The following DPP10 variants were observed in gnomAD, a reference collection of about 807,000 sequenced individuals.
DPP10 encodes dipeptidyl peptidase like 10.
In DPP10, 33 loss-of-function variants were observed where a neutral mutation model predicts 120.9. The observed-to-expected ratio is 0.27, with a 90% CI of 0.21 to 0.37. The LOEUF is 0.37. Among genes scored for constraint, DPP10 ranks in the 10% least tolerant of loss-of-function variants. The pLI, the probability that DPP10 is intolerant of heterozygous loss-of-function variation, is 1.00. For missense variants in DPP10, 816 were observed against 942.8 expected (o/e 0.87, Z 1.76); for synonymous variants, 337 against 326.1 (o/e 1.03, Z -0.36).
chr2:115,532,321 C>T (rs968433151), intron 5 of DPP10, among the ~76,000 whole-genome samples: 2 of 151,952 alleles, frequency 1.3e-5, no homozygotes, highest in African/African-American at 2.4e-5. Context: ...CCCCAGTTCA[C>T]AGTTGCAGAG....
intron 3 of DPP10, among the ~76,000 whole-genome samples, chr2:115,442,713 T>G (rs1315460917): frequency 6.6e-6 from 1 of 152,188 alleles, no homozygotes; most frequent in Non-Finnish European, 1.5e-5. Flanking sequence ...TTTGTCCTTT[T>G]CAGATCTATG....
chr2:115,756,845 C>T (rs767299229), intron 11 of DPP10, among the ~76,000 whole-genome samples: 1 of 151,960 alleles, frequency 6.6e-6, no homozygotes, highest in South Asian at 2.1e-4. Context: ...GGACTTCTTG[C>T]TGCATCATCC....
At chr2:115,273,466 A>C (rs1052564038) in intron 1 of DPP10, among the ~76,000 whole-genome samples, 1 of 152,100 alleles carries the variant, frequency 6.6e-6, no homozygotes, top group Non-Finnish European at 1.5e-5. Context: ...CCTCCCGAGT[A>C]GCTGGGACTA....
At chr2:115,081,907 C>A (rs1708304346) in intron 1 of DPP10, among the ~76,000 whole-genome samples, 1 of 152,144 alleles carries the variant, frequency 6.6e-6, no homozygotes, top group Non-Finnish European at 1.5e-5. Context: ...GTGAATTCTG[C>A]ATTAGATTTT....
At chr2:115,531,917 T>A (rs1019329111) in intron 5 of DPP10, among the ~76,000 whole-genome samples, 1 of 152,112 alleles carries the variant, frequency 6.6e-6, no homozygotes, top group African/African-American at 2.4e-5. Flanking sequence ...TTTTACTCAA[T>A]AATTAGTTCA....
At chr2:114,784,299 C>T (rs1358505906) in intron 1 of DPP10, among the ~76,000 whole-genome samples, 1 of 152,060 alleles carries the variant, frequency 6.6e-6, no homozygotes, top group Admixed American at 6.6e-5. Flanking sequence ...CTCAAGGTCA[C>T]CCTATTTGTA....
chr2:115,179,251 C>T (rs2053913297), intron 1 of DPP10, among the ~76,000 whole-genome samples: 1 of 152,058 alleles, frequency 6.6e-6, no homozygotes, highest in African/African-American at 2.4e-5. Flanking sequence ...TAGAATTGAA[C>T]AAATTCCCTC....
intron 1 of DPP10, among the ~76,000 whole-genome samples, chr2:114,819,656 C>A (rs770373009): frequency 2.0e-5 from 3 of 152,190 alleles, no homozygotes; most frequent in Non-Finnish European, 2.9e-5. Context: ...TATTCTTAAG[C>A]AGGGATATCA....
At chr2:114,490,888 T>G (rs1681938022) in intron 1 of DPP10, among the ~76,000 whole-genome samples, 3 of 152,166 alleles carry the variant, frequency 2.0e-5, no homozygotes, top group Admixed American at 6.5e-5. Context: ...CGTATTTAGT[T>G]GTAAGATTTT....
chr2:115,192,276 A>T (rs1158488197), intron 1 of DPP10, among the ~76,000 whole-genome samples: 2 of 152,254 alleles, frequency 1.3e-5, no homozygotes, highest in African/African-American at 4.8e-5. Flanking sequence ...GTCTACTATT[A>T]CTAATAAATA....
chr2:114,927,298 G>A (rs1352026299), intron 1 of DPP10, among the ~76,000 whole-genome samples: 1 of 151,332 alleles, frequency 6.6e-6, no homozygotes, highest in East Asian at 2.0e-4. Context: ...TCTGAGGCAG[G>A]TCTCAGTTAA....
At chr2:115,021,342 A>G (rs1183391970) in intron 1 of DPP10, among the ~76,000 whole-genome samples, 1 of 152,114 alleles carries the variant, frequency 6.6e-6, no homozygotes, top group Non-Finnish European at 1.5e-5. Flanking sequence ...AGATATTACA[A>G]CTGATACACA....
chr2:114,770,302 G>A (rs1049819569), intron 1 of DPP10, among the ~76,000 whole-genome samples: 5 of 152,110 alleles, frequency 3.3e-5, no homozygotes, highest in Admixed American at 6.5e-5. Flanking sequence ...TAGTAATAGC[G>A]AAAAGGGAGG....
intron 1 of DPP10, among the ~76,000 whole-genome samples, chr2:114,720,051 GT>G (rs759862275): frequency 5.3e-4 from 80 of 152,184 alleles, no homozygotes; most frequent in South Asian, 2.1e-4. Context: ...GGGGTTTTTT[GT>G]TGTTTGTTTT....
intron 3 of DPP10, among the ~76,000 whole-genome samples, chr2:115,422,117 G>A (rs2104691408): frequency 6.6e-6 from 1 of 152,170 alleles, no homozygotes; most frequent in African/African-American, 2.4e-5. Context: ...AAATGGATTC[G>A]AGAGGGAAAA....
intron 15 of DPP10, among the ~76,000 whole-genome samples, chr2:115,779,594 G>C (rs1375681722): frequency 6.6e-6 from 1 of 152,048 alleles, no homozygotes; most frequent in African/African-American, 2.4e-5. Flanking sequence ...CTTTATGGAA[G>C]AGTAGAGAGA....
chr2:114,964,824 A>G (rs72943799), intron 1 of DPP10, among the ~76,000 whole-genome samples: 3 of 152,366 alleles, frequency 2.0e-5, no homozygotes, highest in Admixed American at 6.5e-5. Context: ...CATTGAGAAT[A>G]GACAGAAGAG....
At chr2:115,652,280 A>C (rs1384892431) in intron 5 of DPP10, among the ~76,000 whole-genome samples, 1 of 151,934 alleles carries the variant, frequency 6.6e-6, no homozygotes, top group African/African-American at 2.4e-5. Flanking sequence ...ATTATGAATT[A>C]TTTGGTAAAT....
chr2:115,375,499 C>T (rs2065725552), intron 3 of DPP10, among the ~76,000 whole-genome samples: 1 of 152,164 alleles, frequency 6.6e-6, no homozygotes, highest in African/African-American at 2.4e-5. Context: ...TCTTCTGACC[C>T]CTCCAAATTG....
Sources: allele counts gnomAD v4.1 joint callset (sites outside exome capture counted in the v4.1 genomes callset), GRCh38; gene constraint gnomAD v4.1.1; transcripts MANE v1.5; gene names NCBI Gene and HGNC (gene_info 2026-07-23, HGNC 2026-07-21).